Variants in NBPF9 observed in about 807,000 individuals in gnomAD.
NBPF9 encodes NBPF family member NBPF9.
NBPF9 carries 91 observed loss-of-function variants against 97.8 expected under a neutral mutation model. That is an observed-to-expected ratio of 0.93 (90% CI 0.79 to 1.11). The LOEUF (loss-of-function observed/expected upper bound fraction) is 1.11. NBPF9 is among the 50% of genes least tolerant of loss of function. The pLI, the probability that NBPF9 is intolerant of heterozygous loss-of-function variation, is 0.00. For synonymous variants in NBPF9, 334 were observed against 359.5 expected (o/e 0.93, Z 0.80); for missense variants, 992 against 939.5 (o/e 1.06, Z -0.73).
At chr1:149,082,896 C>G (rs1275832609) in intron 5 of NBPF9, among the ~76,000 whole-genome samples, 3 of 147,716 alleles carry the variant, frequency 2.0e-5, no homozygotes, top group East Asian at 2.0e-4. Flanking sequence ...TCTCCTGCCT[C>G]AGACTCCCAA....
chr1:149,080,742 T>C (rs1295086595), intron 7 of NBPF9, among the ~76,000 whole-genome samples: 12 of 112,112 alleles, frequency 1.1e-4, no homozygotes, highest in Middle Eastern at 8.8e-3. Context: ...AGAGGCAGCA[T>C]TAAGATTTAG....
intron 5 of NBPF9, among the ~76,000 whole-genome samples, chr1:149,084,243 A>ATATATATATAATATATATACACGTG (rs2080781891): frequency 4.8e-5 from 7 of 145,242 alleles, no homozygotes; most frequent in Non-Finnish European, 9.0e-5. Flanking sequence ...TGGCACACGT[A>ATATATATATAATATATATACACGTG]TATATATATA....
rs3979910 is a variant in NBPF9, at chr1:149,073,016, G to A, written c.1092-84C>T. On this transcript the variant is annotated intron_variant, in intron 13 of 29. Transcript: ENST00000584027. ...TATTGCAACAGAGATTTCTGAAACA[G>A]TGTCCTCAAGGAGACCTCGAAGCAG... 1.7e-5 allele frequency: 26 copies of A among 1,486,740 alleles called. 1 individual carries two copies. Among genetic ancestry groups the A allele is most frequent in the Middle Eastern group, 2.4e-4 (1 of 4,196 alleles). 92.1% of individuals were successfully genotyped at this position (1,486,740 alleles called of 1,614,324 possible).
At chr1:149,095,507 G>A (rs1457908447) in intron 4 of NBPF9, among the ~76,000 whole-genome samples, 1 of 147,878 alleles carries the variant, frequency 6.8e-6, no homozygotes, top group Non-Finnish European at 1.5e-5. Flanking sequence ...GAAAGACACT[G>A]TTAAGAGAAT....
chr1:149,078,141 G>C (rs1553655181), intron 9 of NBPF9, among the ~76,000 whole-genome samples, 186 bp from the exon 10 acceptor site: 7 of 150,238 alleles, frequency 4.7e-5, no homozygotes, highest in Non-Finnish European at 1.0e-4. Flanking sequence ...CATTTCTGAT[G>C]TGGAGGGCCA....
At chr1:149,092,990 G>C (rs1279593283) in intron 4 of NBPF9, among the ~76,000 whole-genome samples, 1 of 151,676 alleles carries the variant, frequency 6.6e-6, no homozygotes, top group African/African-American at 2.4e-5. Context: ...AATGGGCCCA[G>C]GGGACCGGCG....
chr1:149,062,194 G>C (rs2078649900), exon 22 of NBPF9: 4 of 1,001,370 alleles, frequency 4.0e-6, no homozygotes, highest in Non-Finnish European at 4.8e-6. Context: ...ACCTGAAGGA[G>C]TCGAATACCA....
In NBPF9 at chr1:149,076,504, TA is replaced by T. The variant is rs1234963551; in HGVS notation, c.779-641del. 8.4e-5 allele frequency among the ~76,000 whole-genome samples: 12 copies of T among 142,142 alleles called. No individual in the cohort carries two copies. In the East Asian group the frequency reaches 2.5e-3, roughly 29 times the overall value. 93.3% of individuals were successfully genotyped at this position (142,142 alleles called of 152,430 possible). On this transcript the variant is annotated intron_variant, in intron 11 of 29. Coordinates refer to ENST00000584027, the Ensembl canonical transcript of NBPF9. ...AGCCAGCGCCCCTGGTCAGAGACTT[TA>T]TTTTTTTTTTTTTTTGAGATGGAGT...
intron 12 of NBPF9, among the ~76,000 whole-genome samples, chr1:149,074,928 C>T (rs2079727640): frequency 6.6e-6 from 1 of 151,324 alleles, no homozygotes. Context: ...TCTCCTGCCT[C>T]AGCCTCCTGA....
At chr1:149,085,345 T>A (rs1314933071) in intron 5 of NBPF9, among the ~76,000 whole-genome samples, 11 of 152,212 alleles carry the variant, frequency 7.2e-5, no homozygotes, top group African/African-American at 2.7e-4. Flanking sequence ...ACACCATTAC[T>A]ACTGTTTTAA....
Position 149,069,717 on chromosome 1 carries a change from G to C in NBPF9, c.1586-72C>G. On this transcript the variant is annotated intron_variant, in intron 16 of 29. Coordinates refer to ENST00000584027, the Ensembl canonical transcript of NBPF9. The stretch of plus-strand genomic sequence containing the variant: ...TCACATATGAACAAATCACTGTCCA[G>C]TCATAGCCAAGGACATAACTATTCT... The C allele has an allele frequency of 3.3e-6, 3 of 908,038 alleles. No individual in the cohort carries two copies. In the South Asian group the frequency reaches 3.9e-5, roughly 12 times the overall value. The allele number at this position is 908,038 out of a possible 1,614,324, so 56.2% of individuals were successfully genotyped here.
downstream of NBPF9, among the ~76,000 whole-genome samples, chr1:149,052,552 G>C (rs2077972933): frequency 6.6e-6 from 1 of 151,756 alleles, no homozygotes; most frequent in Non-Finnish European, 1.5e-5. Flanking sequence ...AGAATTAAGA[G>C]GCCTAATGGG....
chr1:149,091,665 A>T (rs587717704), intron 4 of NBPF9, among the ~76,000 whole-genome samples: 78 of 143,816 alleles, frequency 5.4e-4, no homozygotes, highest in African/African-American at 2.0e-3. Flanking sequence ...TGTGGATCCT[A>T]ACTAAGAAAC....
At chr1:149,098,320 C>G in intron 4 of NBPF9, 118 bp downstream of exon 4, 2 of 426,634 alleles carry the variant, frequency 4.7e-6, no homozygotes, top group Non-Finnish European at 6.7e-6. Flanking sequence ...GTATCTGTTT[C>G]ATGCCAGGTA....
intron 2 of NBPF9, among the ~76,000 whole-genome samples, chr1:149,102,419 CAA>C (rs2082204152): frequency 2.0e-5 from 3 of 151,666 alleles, no homozygotes; most frequent in Non-Finnish European, 4.4e-5. Context: ...CAGCTCAGAA[CAA>C]AGACTAAACA....
rs1404045017 is a variant in NBPF9 at position 149,055,448 on chromosome 1, A to C, written c.*208T>G. On this transcript the variant is annotated 3_prime_UTR_variant, in exon 30 of 30. Coordinates refer to ENST00000584027, the Ensembl canonical transcript of NBPF9. ...CACTCCCGGCATGTGCTGCACAGTTATGTGAACGTGTCACACCTAACGTGG... is the reference window on the plus strand; with the variant it reads ...CACTCCCGGCATGTGCTGCACAGTTCTGTGAACGTGTCACACCTAACGTGG... 2.6e-4 allele frequency: 209 copies of C among 818,584 alleles called. 2 individuals are homozygous for C. The highest frequency in any genetic ancestry group is 5.9e-5 in the Non-Finnish European group (31 of 526,396). The allele number at this position is 818,584 out of a possible 1,614,324, so 50.7% of individuals were successfully genotyped here. A position where few individuals can be genotyped will look rare whatever the true frequency, so the allele number is the denominator to read the frequency against.
intron 5 of NBPF9, among the ~76,000 whole-genome samples, chr1:149,085,099 G>A (rs1225107291): frequency 6.6e-6 from 1 of 151,936 alleles, no homozygotes; most frequent in Non-Finnish European, 1.5e-5. Context: ...TTTAATTTCA[G>A]GAGTCATCAC....
Position 149,062,431 on chromosome 1 carries a change from G to T in NBPF9, c.2079-166C>A, listed in dbSNP as rs1312518356. Reference sequence around the variant, plus strand: ...TTAGGTTGGGATAGACCAGGGTCAGGTGGAAAAGAATGAAAGAGAAAGACA... The same window carrying T: ...TTAGGTTGGGATAGACCAGGGTCAGTTGGAAAAGAATGAAAGAGAAAGACA... On this transcript the variant is annotated intron_variant, in intron 21 of 29. Transcript: ENST00000584027. 5.6e-5 allele frequency among the ~76,000 whole-genome samples: 8 copies of T among 143,528 alleles called. 3 individuals carry two copies. The highest frequency in any genetic ancestry group is 3.9e-4 in the East Asian group (2 of 5,144). The allele number at this position is 143,528 out of a possible 152,430, so 94.2% of individuals were successfully genotyped here. A position where few individuals can be genotyped will look rare whatever the true frequency, so the allele number is the denominator to read the frequency against.
intron 14 of NBPF9, 131 bp downstream of exon 14, chr1:149,072,587 T>G (rs76368506): frequency 0.1 from 135,074 of 1,347,546 alleles, 10,330 homozygotes; most frequent in Admixed American, 0.19. Flanking sequence ...AAGAAGTCCT[T>G]GTCATGTCAT....
Sources: allele counts gnomAD v4.1 joint callset (sites outside exome capture counted in the v4.1 genomes callset), GRCh38; gene constraint gnomAD v4.1.1; transcripts MANE v1.5; gene names NCBI Gene and HGNC (gene_info 2026-07-23, HGNC 2026-07-21).